Variants in TMED10 observed in about 807,000 individuals in gnomAD.
The protein encoded by TMED10 is transmembrane emp24 domain-containing protein 10.
A neutral mutation model predicts 23.1 loss-of-function variants in TMED10; 7 were observed. The ratio of observed to expected loss-of-function variants is 0.30; its 90% confidence interval spans 0.17 to 0.57. The LOEUF (loss-of-function observed/expected upper bound fraction) is 0.57. TMED10 is among the 20% of genes least tolerant of loss of function. TMED10 has a pLI of 0.91. For missense variants in TMED10, 162 were observed against 274.8 expected (o/e 0.59, Z 2.90); for synonymous variants, 113 against 106.9 (o/e 1.06, Z -0.35).
intron 1 of TMED10, among the ~76,000 whole-genome samples, chr14:75,164,210 T>G (rs1023910470): frequency 6.7e-6 from 1 of 149,164 alleles, no homozygotes; most frequent in African/African-American, 2.5e-5. Flanking sequence ...GGACTACAGA[T>G]GCATGCCACC....
chr14:75,136,154 T>G (rs1197498336), intron 3 of TMED10, among the ~76,000 whole-genome samples: 1 of 152,204 alleles, frequency 6.6e-6, no homozygotes, highest in Admixed American at 6.5e-5. Flanking sequence ...TACTATTGTC[T>G]CAAGATTTTT....
At chr14:75,162,795 A>G (rs1421909486) in intron 1 of TMED10, among the ~76,000 whole-genome samples, 2 of 152,108 alleles carry the variant, frequency 1.3e-5, no homozygotes, top group Non-Finnish European at 2.9e-5. Context: ...TAAGTGAATC[A>G]TGGTTTTGAC....
At chr14:75,151,606 C>T (rs2139843548) in intron 2 of TMED10, among the ~76,000 whole-genome samples, 1 of 152,314 alleles carries the variant, frequency 6.6e-6, no homozygotes, top group East Asian at 1.9e-4. Flanking sequence ...TATCCCCCTT[C>T]CTCTTACATA....
At position 75,173,399 on chromosome 14, in the gene TMED10, A is replaced by AGAGGG. The variant is rs1329427996; in HGVS notation, c.225+2951_225+2955dup. 2.7e-5 allele frequency among the ~76,000 whole-genome samples: 4 copies of AGAGGG among 148,554 alleles called. No individual in the cohort carries two copies. In the East Asian group the frequency reaches 8.3e-4, roughly 31 times the overall value. ...AGGAAGAAAGGAAGGAAGGGAAGGA[A>AGAGGG]GAGGGGAGGGGAGGGGAAGGGAAAA... On this transcript the variant is annotated intron_variant, in intron 1 of 4. Coordinates refer to ENST00000303575, the MANE Select transcript of TMED10 (RefSeq NM_006827.6).
rs748431372 is a variant in TMED10 at position 75,176,504 on chromosome 14, G to A, written c.76C>T (p.Pro26Ser). The change falls in exon 1 of 5, where the codon CCC becomes TCC. Residue 26 changes from proline (P) to serine (S), a missense_variant. Around this residue, in one of 2 missense-constraint regions of TMED10, gnomAD observed 36 missense variants for 35.2 expected, o/e 1.02. Coordinates refer to ENST00000303575, the MANE Select transcript of TMED10 (RefSeq NM_006827.6). ...AAGGAGATGGCAAGGACCAATCTGG[G>A]GCCGAGCAGGAACAAAAGCAGCAAC... The part of the protein sequence containing the change: ...LALLLLFLLG[P>S]RLVLAISFHL... 5 of 1,614,210 alleles carry A rather than the reference G, an allele frequency of 3.1e-6. No individual in the cohort carries two copies. Among genetic ancestry groups the A allele is most frequent in the Non-Finnish European group, 4.2e-6 (5 of 1,180,040 alleles).
At chr14:75,151,639 C>T (rs1012674219) in intron 2 of TMED10, among the ~76,000 whole-genome samples, 8 of 152,328 alleles carry the variant, frequency 5.3e-5, no homozygotes, top group Non-Finnish European at 1.0e-4. Flanking sequence ...CCCATTATCA[C>T]CATTTCCCAC....
chr14:75,164,701 A>C (rs746820494), intron 1 of TMED10, among the ~76,000 whole-genome samples: 35 of 146,152 alleles, frequency 2.4e-4, no homozygotes, highest in African/African-American at 9.0e-4. Flanking sequence ...AGGATTACAG[A>C]CGTAAGCCAC....
chr14:75,148,111 T>C (rs893914662), intron 2 of TMED10, among the ~76,000 whole-genome samples: 2 of 152,094 alleles, frequency 1.3e-5, no homozygotes, highest in South Asian at 2.1e-4. Flanking sequence ...TTGAGTGGCA[T>C]ATAAATCAAG....
At chr14:75,147,948 G>A (rs1446985613) in intron 2 of TMED10, 19 of 595,438 alleles carry the variant, frequency 3.2e-5, no homozygotes, top group Admixed American at 5.7e-5. Context: ...GTGGGGTGCC[G>A]GAAAGCAACA....
chr14:75,173,341 A>G (rs1445918503), intron 1 of TMED10, among the ~76,000 whole-genome samples: 1 of 146,912 alleles, frequency 6.8e-6, no homozygotes, highest in Non-Finnish European at 1.5e-5. Flanking sequence ...GTGAGCTGTG[A>G]TGGTGCCACT....
At chr14:75,135,687 C>T in intron 4 of TMED10, 73 bp downstream of exon 4, 1 of 1,578,304 alleles carries the variant, frequency 6.3e-7, no homozygotes, top group African/African-American at 1.4e-5. Flanking sequence ...GAAAAGGGTA[C>T]ACCAGAATTG....
intron 4 of TMED10, 22 bp downstream of exon 4, chr14:75,135,734 GAAGT>G: frequency 6.2e-7 from 1 of 1,609,866 alleles, no homozygotes. Context: ...GGTCACTTAA[GAAGT>G]AAGAGTCGCC....
intron 3 of TMED10, 57 bp downstream of exon 3, chr14:75,147,607 A>G (rs1205708133): frequency 1.3e-6 from 2 of 1,584,402 alleles, no homozygotes; most frequent in Non-Finnish European, 1.7e-6. Context: ...CCGAGGTCAC[A>G]GAAACCTCAC....
At chr14:75,144,617 G>T (rs77762397) in intron 3 of TMED10, among the ~76,000 whole-genome samples, 1 of 151,962 alleles carries the variant, frequency 6.6e-6, no homozygotes, top group Non-Finnish European at 1.5e-5. Flanking sequence ...TGAGTCCACA[G>T]ATATGAGGGA....
chr14:75,157,631 C>A (rs1056371577), intron 1 of TMED10, among the ~76,000 whole-genome samples: 1 of 128,290 alleles, frequency 7.8e-6, no homozygotes, highest in African/African-American at 2.7e-5. Context: ...GCCTGGGCAA[C>A]AGAGTGAGAA....
intron 3 of TMED10, among the ~76,000 whole-genome samples, chr14:75,140,113 C>T (rs1895803679): frequency 6.6e-6 from 1 of 152,156 alleles, no homozygotes; most frequent in Non-Finnish European, 1.5e-5. Context: ...CACACTGGCA[C>T]CCTGATCTTG....
chr14:75,156,262 T>C (rs1280328524), intron 1 of TMED10, among the ~76,000 whole-genome samples: 1 of 152,136 alleles, frequency 6.6e-6, no homozygotes, highest in Non-Finnish European at 1.5e-5. Flanking sequence ...AGGTGACAGA[T>C]TTTATTTAAT....
chr14:75,166,098 T>C (rs1566675657), intron 1 of TMED10, among the ~76,000 whole-genome samples: 1 of 152,124 alleles, frequency 6.6e-6, no homozygotes, highest in Admixed American at 6.5e-5. Flanking sequence ...GATCAAATGT[T>C]TTTTTTCATA....
At chr14:75,135,663 C>T in intron 4 of TMED10, 97 bp downstream of exon 4, 1 of 1,530,894 alleles carries the variant, frequency 6.5e-7, no homozygotes, top group Non-Finnish European at 8.8e-7. Context: ...ATATACCCAC[C>T]TTGGCAAAAC....
Sources: allele counts gnomAD v4.1 joint callset (sites outside exome capture counted in the v4.1 genomes callset), GRCh38; gene constraint gnomAD v4.1.1; regional missense constraint gnomAD v4.1.1; transcripts MANE v1.5; gene names NCBI Gene and HGNC (gene_info 2026-07-23, HGNC 2026-07-21).